Variants in LOXHD1 observed in about 807,000 individuals in gnomAD.
LOXHD1 encodes lipoxygenase homology PLAT domains 1, also known as lipoxygenase homology domain-containing protein 1.
LOXHD1 carries 205 observed loss-of-function variants against 248.2 expected under a neutral mutation model. The ratio of observed to expected loss-of-function variants is 0.83; its 90% CI spans 0.74 to 0.93. LOXHD1 has a LOEUF of 0.93. Ranked by LOEUF, LOXHD1 falls within the 40% of genes least tolerant of loss-of-function variation. The pLI is 0.00. For missense variants in LOXHD1, 2,930 were observed against 2,971.6 expected, an observed-to-expected ratio of 0.99 and a Z score of 0.33; for synonymous variants, 1,113 against 1,162.8, an observed-to-expected ratio of 0.96 and a Z score of 0.87.
intron 4 of LOXHD1, 142 bp downstream of exon 4, chr18:46,639,474 G>A: frequency 1.0e-6 from 1 of 981,150 alleles, no homozygotes; most frequent in Non-Finnish European, 1.5e-6. Flanking sequence ...GCTTCCCCTT[G>A]GCCCTAACCA....
At chr18:46,569,705 C>G in intron 15 of LOXHD1, 67 bp from the exon 16 acceptor site, 10 of 1,323,776 alleles carry the variant, frequency 7.6e-6, no homozygotes, top group Non-Finnish European at 9.3e-6. Flanking sequence ...AAGCAGGGTG[C>G]GTGTATAGGA....
intron 8 of LOXHD1, among the ~76,000 whole-genome samples, chr18:46,597,749 T>C (rs985542192): frequency 6.6e-6 from 1 of 151,648 alleles, no homozygotes; most frequent in African/African-American, 2.4e-5. Context: ...CTCATGAACA[T>C]AGAAAAATTC....
intron 12 of LOXHD1, among the ~76,000 whole-genome samples, chr18:46,581,209 G>A (rs2037955101): frequency 6.6e-6 from 1 of 152,154 alleles, no homozygotes; most frequent in Non-Finnish European, 1.5e-5. Context: ...GCCTAGGACT[G>A]GAGGTGCAAC....
intron 4 of LOXHD1, among the ~76,000 whole-genome samples, chr18:46,622,028 G>A (rs1338646413): frequency 6.6e-6 from 1 of 152,206 alleles, no homozygotes; most frequent in African/African-American, 2.4e-5. Context: ...GAAGCTCAGA[G>A]GGCAAGGTGG....
chr18:46,653,308 C>T (rs1238887791), intron 1 of LOXHD1, among the ~76,000 whole-genome samples: 3 of 152,110 alleles, frequency 2.0e-5, no homozygotes, highest in African/African-American at 4.8e-5. Context: ...GGAGATTTGT[C>T]GCCTCTGAGA....
intron 4 of LOXHD1, among the ~76,000 whole-genome samples, chr18:46,635,964 C>G (rs1203089409): frequency 2.0e-5 from 3 of 152,170 alleles, no homozygotes; most frequent in Admixed American, 2.0e-4. Flanking sequence ...AGATCAGACC[C>G]AGAAAACCAA....
intron 29 of LOXHD1, 56 bp from the exon 30 acceptor site, chr18:46,524,973 T>C: frequency 6.5e-7 from 1 of 1,535,222 alleles, no homozygotes; most frequent in Non-Finnish European, 8.8e-7. Context: ...CTCAACCCAC[T>C]CCAGCCCCAC....
Position 46,656,851 on chromosome 18 carries a change from T to C in LOXHD1, c.130+53A>G, listed in dbSNP as rs1013496808. 18 of 1,539,542 alleles carry C rather than the reference T, an allele frequency of 1.2e-5. No homozygotes were observed. The African/African-American group carries it at 1.5e-4, about 13-fold the overall frequency. On this transcript the variant is annotated intron_variant, in intron 1 of 40. Coordinates refer to ENST00000642948, the MANE Select transcript of LOXHD1 (RefSeq NM_001384474.1). ...CTCCCCATAGACAGGAACAGACCCC[T>C]GCCCACCGCAGCCAGCTGCACCACC... is the stretch of plus-strand genomic sequence containing the variant.
At chr18:46,642,337 G>C (rs948781654) in intron 2 of LOXHD1, among the ~76,000 whole-genome samples, 13 of 152,218 alleles carry the variant, frequency 8.5e-5, no homozygotes, top group Non-Finnish European at 1.6e-4. Flanking sequence ...GCAGAGCTGG[G>C]ACCAGAACCT....
intron 20 of LOXHD1, chr18:46,558,175 G>C: frequency 2.1e-6 from 1 of 481,738 alleles, no homozygotes; most frequent in Non-Finnish European, 2.7e-6. Flanking sequence ...CCTTCATTTA[G>C]ATTCTGCACT....
At chr18:46,542,580 C>T (rs1198343836) in intron 24 of LOXHD1, 147 bp downstream of exon 24, 1 of 955,358 alleles carries the variant, frequency 1.0e-6, no homozygotes. Context: ...ACTCTCTCGG[C>T]TCTACTGGGC....
At chr18:46,552,043 G>C (rs893215848) in intron 21 of LOXHD1, among the ~76,000 whole-genome samples, 1 of 152,156 alleles carries the variant, frequency 6.6e-6, no homozygotes. Context: ...GTTACCAGGG[G>C]CTGGGAGGAG....
At chr18:46,583,772 G>A (rs2038006668) in intron 12 of LOXHD1, among the ~76,000 whole-genome samples, 1 of 151,932 alleles carries the variant, frequency 6.6e-6, no homozygotes, top group Non-Finnish European at 1.5e-5. Context: ...ATGAAAAACA[G>A]TATGGAGATT....
At chr18:46,636,768 C>T (rs914865491) in intron 4 of LOXHD1, among the ~76,000 whole-genome samples, 2 of 152,164 alleles carry the variant, frequency 1.3e-5, no homozygotes, top group African/African-American at 2.4e-5. Context: ...TTTTTATCAT[C>T]GAAGTAGCAG....
chr18:46,591,851 T>A (rs1259879074), intron 12 of LOXHD1, 82 bp downstream of exon 12: 4 of 1,505,742 alleles, frequency 2.7e-6, no homozygotes, highest in Admixed American at 2.0e-5. Flanking sequence ...CAGACAAGAC[T>A]CTCAGCTCAT....
intron 17 of LOXHD1, among the ~76,000 whole-genome samples, chr18:46,566,004 C>G (rs1382769185): frequency 6.6e-6 from 1 of 152,190 alleles, no homozygotes; most frequent in Non-Finnish European, 1.5e-5. Context: ...CTAATAAAGT[C>G]ATTTGCTGCC....
intron 26 of LOXHD1, among the ~76,000 whole-genome samples, chr18:46,536,192 T>C (rs1012168480): frequency 2.6e-5 from 4 of 152,236 alleles, no homozygotes; most frequent in African/African-American, 9.6e-5. Context: ...CATCAGGTCC[T>C]TAGAACTGTG....
At chr18:46,628,226 C>A (rs1213324815) in intron 4 of LOXHD1, among the ~76,000 whole-genome samples, 3 of 152,172 alleles carry the variant, frequency 2.0e-5, no homozygotes, top group African/African-American at 7.2e-5. Context: ...CTCTGATGTG[C>A]CACAACAGGG....
At chr18:46,625,292 G>C (rs924999796) in intron 4 of LOXHD1, among the ~76,000 whole-genome samples, 4 of 152,292 alleles carry the variant, frequency 2.6e-5, no homozygotes, top group Admixed American at 2.0e-4. Flanking sequence ...CACAGTCCGT[G>C]CATTTGACCT....
Sources: allele counts gnomAD v4.1 joint callset (sites outside exome capture counted in the v4.1 genomes callset), GRCh38; gene constraint gnomAD v4.1.1; transcripts MANE v1.5; gene names NCBI Gene and HGNC (gene_info 2026-07-23, HGNC 2026-07-21).